The following SSUH2 variants were observed in gnomAD, a reference collection of about 807,000 sequenced individuals.
The protein encoded by SSUH2 is protein SSUH2 homolog.
A neutral mutation model predicts 55.3 loss-of-function variants in SSUH2; 47 were observed. The observed-to-expected ratio is 0.85, with a 90% CI of 0.67 to 1.08. SSUH2 has a LOEUF of 1.08. SSUH2 is among the 50% of genes least tolerant of loss of function. The pLI is 0.00. For synonymous variants in SSUH2, 212 were observed against 191.5 expected (o/e 1.11, Z -0.89); for missense variants, 535 against 490.7 (o/e 1.09, Z -0.85).
intron 5 of SSUH2, chr3:8,663,875 T>C (rs747888237): frequency 2.8e-5 from 13 of 456,506 alleles, no homozygotes; most frequent in South Asian, 1.9e-4. Flanking sequence ...AATGTTGTTT[T>C]CTTCTAGCTG....
intron 7 of SSUH2, among the ~76,000 whole-genome samples, chr3:8,656,348 G>C (rs1216197596): frequency 2.6e-5 from 4 of 152,228 alleles, no homozygotes; most frequent in African/African-American, 9.7e-5. Flanking sequence ...TAACATACAG[G>C]AAATGAGGCC....
chr3:8,663,493 G>A (rs546554269), intron 6 of SSUH2, among the ~76,000 whole-genome samples: 7 of 151,312 alleles, frequency 4.6e-5, no homozygotes, highest in South Asian at 2.1e-4. Context: ...AACACAAAGC[G>A]ACAGAAAAAC....
At chr3:8,631,594 G>A (rs116316168) in intron 5 of SSUH2, among the ~76,000 whole-genome samples, 1,753 of 152,184 alleles carry the variant, frequency 0.012, 43 homozygotes, top group African/African-American at 0.04. Context: ...GGTCTGTTAG[G>A]GAAAACAAGG....
At chr3:8,680,432 C>T (rs1438351615) in intron 1 of SSUH2, among the ~76,000 whole-genome samples, 2 of 152,034 alleles carry the variant, frequency 1.3e-5, no homozygotes, top group East Asian at 1.9e-4. Context: ...GGTGTACACC[C>T]TCGGTGTACA....
At chr3:8,658,532 A>T (rs1265125514) in intron 7 of SSUH2, among the ~76,000 whole-genome samples, 2 of 152,198 alleles carry the variant, frequency 1.3e-5, no homozygotes, top group Non-Finnish European at 2.9e-5. Flanking sequence ...TCTGTGATGC[A>T]TTCTTGGGCT....
At chr3:8,645,014 C>G (rs1475050433), upstream of SSUH2, among the ~76,000 whole-genome samples, 2 of 152,208 alleles carry the variant, frequency 1.3e-5, no homozygotes, top group African/African-American at 4.8e-5. Context: ...CTCATGTCCT[C>G]ACTGCACCCC....
At chr3:8,648,605 C>T (rs553898227), upstream of SSUH2, among the ~76,000 whole-genome samples, 9 of 152,262 alleles carry the variant, frequency 5.9e-5, no homozygotes, top group Admixed American at 5.9e-4. Context: ...CCAATGAGTG[C>T]TCACCAAAGC....
chr3:8,637,161 C>T (rs571955365), intron 1 of SSUH2, among the ~76,000 whole-genome samples: 1 of 152,340 alleles, frequency 6.6e-6, no homozygotes, highest in East Asian at 1.9e-4. Context: ...CCACAGCTCC[C>T]ACTCCACCAC....
intron 3 of SSUH2, among the ~76,000 whole-genome samples, chr3:8,676,203 GGTGT>G (rs1156733670): frequency 8.6e-5 from 13 of 151,982 alleles, no homozygotes; most frequent in African/African-American, 2.2e-4. Flanking sequence ...TTCACAGACG[GGTGT>G]ACACACTCGG....
At position 8,640,517 on chromosome 3, in the gene SSUH2, C is replaced by CCATTCT. The variant is rs1700650132; in HGVS notation, c.28+4213_28+4214insAGAATG. On this transcript the variant is annotated intron_variant, in intron 1 of 11. Transcript: ENST00000544814. ...CAAGAGAGGAAGAAAGGATTCTCAT[C>CCATTCT]TGCCCACATGCCAAGGAAAAGCCTC... is the stretch of plus-strand genomic sequence containing the variant. Among the ~76,000 whole-genome samples, 3 of 152,178 alleles carry CCATTCT rather than the reference C, an allele frequency of 2.0e-5. No individual in the cohort carries two copies. The South Asian group carries it at 6.2e-4, about 32-fold the overall frequency.
rs193220541 is a variant in SSUH2, at chr3:8,674,243, T to C, written c.-752-2208A>G. Among the ~76,000 whole-genome samples the C allele has an allele frequency of 3.3e-5, 5 of 152,292 alleles. No individual in the cohort carries two copies. In the East Asian group the frequency reaches 9.7e-4, roughly 29 times the overall value. The stretch of plus-strand genomic sequence containing the variant: ...GGAAGGGGGGCCCTGGGAAAGAAAC[T>C]CAGCTTGGCTGTCAGGGTTTGCAGC... On this transcript the variant is annotated intron_variant, in intron 3 of 18. Transcript: ENST00000317371.
At chr3:8,677,788 C>A (rs1048316194) in intron 2 of SSUH2, among the ~76,000 whole-genome samples, 2 of 150,570 alleles carry the variant, frequency 1.3e-5, no homozygotes, top group Non-Finnish European at 2.9e-5. Flanking sequence ...AACATAAAGG[C>A]CCCCCATGCT....
At chr3:8,655,008 A>G (rs1341637014) in intron 7 of SSUH2, among the ~76,000 whole-genome samples, 2 of 368 alleles carry the variant, frequency 5.4e-3, no homozygotes, top group African/African-American at 0.1. Flanking sequence ...CTCATCCCCC[A>G]GTCTCAGTGT....
At position 8,635,288 on chromosome 3, in the gene SSUH2, C is replaced by T; in HGVS notation, c.209+12G>A. On this transcript the variant is annotated intron_variant, in intron 3 of 11. Coordinates refer to ENST00000544814, the MANE Select transcript of SSUH2 (RefSeq NM_001256748.3). Reference sequence around the variant, plus strand: ...AAATGCACACAGTCACAGAGTACAACCTGAAACTCACCTGTGTTCCAGGAA... The same window carrying T: ...AAATGCACACAGTCACAGAGTACAATCTGAAACTCACCTGTGTTCCAGGAA... 2 of 1,533,330 alleles carry T rather than the reference C, an allele frequency of 1.3e-6. No homozygotes were observed. The highest frequency in any genetic ancestry group is 2.7e-5 in the African/African-American group (2 of 73,096). 95.0% of individuals were successfully genotyped at this position (1,533,330 alleles called of 1,614,324 possible). A position where few individuals can be genotyped will look rare whatever the true frequency, so the allele number is the denominator to read the frequency against.
intron 2 of SSUH2, among the ~76,000 whole-genome samples, chr3:8,678,488 A>G (rs76414515): frequency 1.7e-5 from 2 of 118,580 alleles, no homozygotes; most frequent in Non-Finnish European, 3.8e-5. Context: ...CCCCATTGCA[A>G]GGGGGTGAGG....
intron 7 of SSUH2, chr3:8,629,373 A>G: frequency 4.9e-6 from 2 of 409,152 alleles, no homozygotes; most frequent in Non-Finnish European, 8.7e-6. Context: ...GCCCTCTTAC[A>G]GGACCTAGAG....
intron 1 of SSUH2, among the ~76,000 whole-genome samples, chr3:8,681,013 GC>G (rs1271246773): frequency 2.7e-5 from 4 of 150,296 alleles, no homozygotes; most frequent in Non-Finnish European, 6.0e-5. Flanking sequence ...AGTGGGGGAG[GC>G]AACCTCCAAG....
intron 11 of SSUH2, among the ~76,000 whole-genome samples, chr3:8,620,784 C>A (rs1005521720): frequency 3.3e-5 from 5 of 152,208 alleles, no homozygotes; most frequent in Non-Finnish European, 7.3e-5. Flanking sequence ...TGTATTAAAA[C>A]AACCACAGAG....
At chr3:8,632,182 C>T in intron 4 of SSUH2, 73 bp from the exon 5 acceptor site, 1 of 1,310,460 alleles carries the variant, frequency 7.6e-7, no homozygotes, top group South Asian at 1.2e-5. Context: ...AAAGATGAAG[C>T]TGTTACCCTC....
Sources: gnomAD v4.1 joint callset for allele counts (sites outside exome capture counted in the v4.1 genomes callset) on GRCh38, gnomAD v4.1.1 for gene constraint, MANE v1.5 for transcripts, NCBI Gene and HGNC (gene_info 2026-07-23, HGNC 2026-07-21) for gene names.